The following SEMG2 variants were observed in gnomAD, a reference collection of about 807,000 sequenced individuals.
SEMG2 encodes semenogelin-2.
SEMG2 carries 3 observed loss-of-function variants against 8.1 expected under a neutral mutation model. That is an observed-to-expected ratio of 0.37 (90% CI 0.17 to 0.96). The LOEUF (loss-of-function observed/expected upper bound fraction) is 0.96. Among genes scored for constraint, SEMG2 ranks in the 40% least tolerant of loss-of-function variants. The pLI, the probability that SEMG2 is intolerant of heterozygous loss-of-function variation, is 0.41. For missense variants in SEMG2, 726 were observed against 671.2 expected (o/e 1.08, Z -0.90); for synonymous variants, 252 against 231.4 (o/e 1.09, Z -0.81).
rs753403910 is a variant in SEMG2 at position 45,221,998 on chromosome 20, T to G, written c.366T>G (p.His122Gln). 6.2e-7 allele frequency: 1 copy of G among 1,614,110 alleles called. No individual in the cohort carries two copies. Among genetic ancestry groups the G allele is most frequent in the Non-Finnish European group, 8.5e-7 (1 of 1,180,002 alleles). Reference protein sequence around the residue: ...EGRDHDKSKGHFHMIVIHHKG... With the variant: ...EGRDHDKSKGQFHMIVIHHKG... Reference sequence around the variant, plus strand: ...GAGACCATGATAAATCAAAAGGTCATTTTCACATGATAGTTATACATCATA... The same window carrying G: ...GAGACCATGATAAATCAAAAGGTCAGTTTCACATGATAGTTATACATCATA... Residue 122 changes from histidine to glutamine, a missense_variant, in exon 2 of 3, where the codon CAT becomes CAG. His to Gln is a conservative substitution (Grantham distance 24, BLOSUM62 0). Transcript: ENST00000372769.
chr20:45,221,640 G>A (rs1984014447), intron 1 of SEMG2, 69 bp from the exon 2 acceptor site: 2 of 1,431,496 alleles, frequency 1.4e-6, no homozygotes, highest in Admixed American at 2.1e-5. Context: ...TTGGGAAAAG[G>A]TGGGAGGTAA....
intron 2 of SEMG2, 76 bp downstream of exon 2, chr20:45,223,501 T>G (rs2145592562): frequency 1.6e-6 from 1 of 637,018 alleles, no homozygotes; most frequent in Non-Finnish European, 2.7e-6. Context: ...ATGGTAGGAC[T>G]GATAACCATT....
At position 45,221,772 on chromosome 20, in the gene SEMG2, A is replaced by C; in HGVS notation, c.140A>C (p.His47Pro). The change falls in exon 2 of 3, where the codon CAC becomes CCC. Residue 47 changes from histidine to proline, a missense_variant. Coordinates refer to ENST00000372769, the MANE Select transcript of SEMG2 (RefSeq NM_003008.3). ...TTTCCACATGGACAAAAGGGCCAGC[A>C]CTATTTTGGACAAAAAGACCAACAA... ...SQFPHGQKGQ[H>P]YFGQKDQQHT... is the part of the protein sequence containing the mutation. 6.2e-7 allele frequency: 1 copy of C among 1,614,068 alleles called. No individual in the cohort carries two copies. The highest frequency in any genetic ancestry group is 8.5e-7 in the Non-Finnish European group (1 of 1,179,976).
rs762375167 is a variant in SEMG2 at position 45,221,861 on chromosome 20, G to A, written c.229G>A (p.Asp77Asn). The change falls in exon 2 of 3, where the codon GAC (aspartate) becomes AAC (asparagine). Residue 77 changes from aspartate (D) to asparagine (N), a missense_variant. Physicochemically the swap from Asp to Asn is conservative, Grantham distance 23. Coordinates refer to ENST00000372769, the MANE Select transcript of SEMG2 (RefSeq NM_003008.3). ...ATATCATGTAGACATCAATGATCAT[G>A]ACTGGACCCGAAAAAGTCAGCAATA... ...HTYHVDINDH[D>N]WTRKSQQYDL... 1.9e-6 allele frequency: 3 copies of A among 1,614,074 alleles called. No individual in the cohort carries two copies. Among genetic ancestry groups the A allele is most frequent in the South Asian group, 2.2e-5 (2 of 91,004 alleles).
At chr20:45,221,674 T>A in intron 1 of SEMG2, 35 bp from the exon 2 acceptor site, 1 of 1,523,978 alleles carries the variant, frequency 6.6e-7, no homozygotes, top group Non-Finnish European at 8.9e-7. Context: ...GCTTTGGAGA[T>A]AATGAATGCA....
At position 45,222,529 on chromosome 20, in the gene SEMG2, C is replaced by A; in HGVS notation, c.897C>A (p.His299Gln). 1.2e-6 allele frequency: 2 copies of A among 1,613,930 alleles called. No homozygotes were observed. The stretch of plus-strand genomic sequence containing the variant: ...CACGTACAGAAGAAAGACAACTTCA[C>A]CATGGAGAAAAGAGTGTACAGAAAG... ...PSSRTEERQL[H>Q]HGEKSVQKDV... Residue 299 changes from histidine to glutamine, a missense_variant, in exon 2 of 3, where the codon CAC (histidine) becomes CAA (glutamine). Transcript: ENST00000372769.
intron 2 of SEMG2, 75 bp from the exon 3 acceptor site, chr20:45,224,216 A>C (rs1984089578): frequency 6.6e-6 from 1 of 152,304 alleles, no homozygotes; most frequent in Admixed American, 6.5e-5. Context: ...TAAAGGGGAC[A>C]GGGGTCCCAG....
chr20:45,223,107 G>A lies in SEMG2; in HGVS notation c.1475G>A (p.Ser492Asn). 6.2e-7 allele frequency: 1 copy of A among 1,614,118 alleles called. No individual in the cohort carries two copies. Among genetic ancestry groups the A allele is most frequent in the South Asian group, 1.1e-5 (1 of 91,072 alleles). ...GKSTQKDVSQ[S>N]SISFQIEKLV... ...AGCACGCAGAAAGATGTATCCCAAAGCAGTATTTCTTTCCAAATTGAAAAG... is the reference window on the plus strand; with the variant it reads ...AGCACGCAGAAAGATGTATCCCAAAACAGTATTTCTTTCCAAATTGAAAAG... Residue 492 changes from serine (S) to asparagine (N), a missense_variant, in exon 2 of 3, where the codon AGC becomes AAC. Coordinates refer to ENST00000372769, the MANE Select transcript of SEMG2 (RefSeq NM_003008.3).
chr20:45,222,274 T>A lies in SEMG2; in HGVS notation c.642T>A (p.His214Gln), dbSNP rs370739433. The A allele has an allele frequency of 1.2e-6, 2 of 1,613,872 alleles. No homozygotes were observed. The highest frequency in any genetic ancestry group is 1.3e-5 in the African/African-American group (1 of 74,892). The change falls in exon 2 of 3, where the codon CAT (histidine) becomes CAA (glutamine). Residue 214 changes from histidine (H) to glutamine (Q), a missense_variant. By Grantham distance (24) the His-to-Gln change is conservative. Coordinates refer to ENST00000372769, the MANE Select transcript of SEMG2 (RefSeq NM_003008.3). ...NKQQRETKNS[H>Q]QNKGHYQNVV... ...AACAACGTGAGACTAAAAATTCTCA[T>A]CAAAATAAAGGGCATTACCAAAATG...
In SEMG2 at chr20:45,222,084, C is replaced by G. The variant is rs754730269; in HGVS notation, c.452C>G (p.Ser151Cys). The change falls in exon 2 of 3, where the codon TCT becomes TGT. Residue 151 changes from serine to cysteine, a missense_variant. Coordinates refer to ENST00000372769, the MANE Select transcript of SEMG2 (RefSeq NM_003008.3). The stretch of plus-strand genomic sequence containing the variant: ...TCTCAAGATCAGGGGAATAGCCCAT[C>G]TGGAAAGGGATTATCCAGTCAATGT... ...NPSQDQGNSP[S>C]GKGLSSQCSN... 5.0e-6 allele frequency: 8 copies of G among 1,613,970 alleles called. No homozygotes were observed. The South Asian group carries it at 8.8e-5, about 18-fold the overall frequency.
rs1241580516 is a variant in SEMG2, at chr20:45,223,390, C to G, written c.*9C>G. On this transcript the variant is annotated 3_prime_UTR_variant, in exon 2 of 3. Transcript: ENST00000372769. ...ATCCAATATCTACATAGCCCTGTTG[C>G]TTAGCAACCACTTGAAAAGCTGGAC... is the stretch of plus-strand genomic sequence containing the variant. 6.3e-7 allele frequency: 1 copy of G among 1,575,324 alleles called. No individual in the cohort carries two copies. The highest frequency in any genetic ancestry group is 8.7e-7 in the Non-Finnish European group (1 of 1,153,188).
At position 45,222,544 on chromosome 20, in the gene SEMG2, T is replaced by C. The variant is rs1238576122; in HGVS notation, c.912T>C (p.Ser304=). The change falls in exon 2 of 3, where the codon AGT becomes AGC. Residue 304 remains serine, a synonymous_variant. Coordinates refer to ENST00000372769, the MANE Select transcript of SEMG2 (RefSeq NM_003008.3). ...GACAACTTCACCATGGAGAAAAGAG[T>C]GTACAGAAAGATGTATCCAAAGGCA... ...EERQLHHGEK[S]VQKDVSKGSI... 1.2e-6 allele frequency: 2 copies of C among 1,613,384 alleles called. No individual in the cohort carries two copies. The highest frequency in any genetic ancestry group is 1.3e-5 in the African/African-American group (1 of 74,700).
In SEMG2 at chr20:45,223,427, T is replaced by C; in HGVS notation, c.*44+2T>C. 7.0e-7 allele frequency: 1 copy of C among 1,425,528 alleles called. No individual in the cohort carries two copies. Among genetic ancestry groups the C allele is most frequent in the African/African-American group, 1.4e-5 (1 of 70,162 alleles). 88.3% of individuals were successfully genotyped at this position (1,425,528 alleles called of 1,614,324 possible). On this transcript the variant is annotated splice_donor_variant, in intron 2 of 2. Coordinates refer to ENST00000372769, the MANE Select transcript of SEMG2 (RefSeq NM_003008.3). LOFTEE classifies it low-confidence loss of function (3UTR_SPLICE). ...TTGAAAAGCTGGACCAATAGCAAGG[T>C]AAGTTTGCTTTTCTTACCAAATAGG...
Position 45,222,416 on chromosome 20 carries a change from G to T in SEMG2, c.784G>T (p.Val262Leu). 1 of 1,614,056 alleles carries T rather than the reference G, an allele frequency of 6.2e-7. No individual in the cohort carries two copies. Reference protein sequence around the residue: ...DIFTTQDELLVYNKNQHQTKN... With the variant: ...DIFTTQDELLLYNKNQHQTKN... ...TTTTACTACCCAAGATGAGCTCCTA[G>T]TATATAACAAGAATCAACACCAGAC... The change falls in exon 2 of 3, where the codon GTA becomes TTA. Residue 262 changes from valine to leucine, a missense_variant. Transcript: ENST00000372769.
chr20:45,223,377 C>G lies in SEMG2; in HGVS notation c.1745C>G (p.Thr582Arg). 6.2e-7 allele frequency: 1 copy of G among 1,603,692 alleles called. No individual in the cohort carries two copies. Among genetic ancestry groups the G allele is most frequent in the Non-Finnish European group, 8.5e-7 (1 of 1,172,690 alleles). ...QYNEDRNPIS[T>R] ...AATGAAGACAGAAATCCAATATCTA[C>G]ATAGCCCTGTTGCTTAGCAACCACT... is the stretch of plus-strand genomic sequence containing the variant. Residue 582 changes from threonine to arginine, a missense_variant, in exon 2 of 3, where the codon ACA becomes AGA. By Grantham distance (71) the Thr-to-Arg change is moderately conservative. Coordinates refer to ENST00000372769, the MANE Select transcript of SEMG2 (RefSeq NM_003008.3).
Position 45,222,409 on chromosome 20 carries a change from G to A in SEMG2, c.777G>A (p.Glu259=), listed in dbSNP as rs1273162578. 1.9e-6 allele frequency: 3 copies of A among 1,613,952 alleles called. No individual in the cohort carries two copies. The highest frequency in any genetic ancestry group is 2.7e-5 in the African/African-American group (2 of 74,916). Residue 259 remains glutamate (E), a synonymous_variant, in exon 2 of 3, where the codon GAG becomes GAA. Coordinates refer to ENST00000372769, the MANE Select transcript of SEMG2 (RefSeq NM_003008.3). ...GPKDIFTTQD[E]LLVYNKNQHQ... ...AAGACATTTTTACTACCCAAGATGA[G>A]CTCCTAGTATATAACAAGAATCAAC... is the stretch of plus-strand genomic sequence containing the variant.
chr20:45,222,646 G>T lies in SEMG2; in HGVS notation c.1014G>T (p.Glu338Asp), dbSNP rs374818359. 1.2e-6 allele frequency: 2 copies of T among 1,613,770 alleles called. No homozygotes were observed. The highest frequency in any genetic ancestry group is 2.7e-5 in the African/African-American group (2 of 74,852). Residue 338 changes from glutamate (E) to aspartate (D), a missense_variant, in exon 2 of 3, where the codon GAG (glutamate) becomes GAT (aspartate). Physicochemically the swap from Glu to Asp is conservative, Grantham distance 45. Transcript: ENST00000372769. ...TAACAATTCATAGTCAAGATCAAGA[G>T]CATGGCCATAAGGAAAATAAAATAT... ...NQVTIHSQDQ[E>D]HGHKENKISY...
Position 45,222,628 on chromosome 20 carries a change from T to A in SEMG2, c.996T>A (p.Ile332=). The A allele has an allele frequency of 1.2e-6, 2 of 1,613,842 alleles. No individual in the cohort carries two copies. Among genetic ancestry groups the A allele is most frequent in the Non-Finnish European group, 1.7e-6 (2 of 1,179,962 alleles). ...GCAAGTCTCAAAACCAGGTAACAATTCATAGTCAAGATCAAGAGCATGGCC... is the reference window on the plus strand; with the variant it reads ...GCAAGTCTCAAAACCAGGTAACAATACATAGTCAAGATCAAGAGCATGGCC... ...IHGKSQNQVT[I]HSQDQEHGHK... is the part of the protein sequence containing the mutation. Residue 332 remains isoleucine, a synonymous_variant, in exon 2 of 3, where the codon ATT becomes ATA. Transcript: ENST00000372769.
chr20:45,221,927 C>A lies in SEMG2; in HGVS notation c.295C>A (p.His99Asn), dbSNP rs202124576. 6.2e-7 allele frequency: 1 copy of A among 1,613,260 alleles called. No individual in the cohort carries two copies. The highest frequency in any genetic ancestry group is 1.3e-5 in the African/African-American group (1 of 74,972). ...ALHKATKSKQ[H>N]LGGSQQLLNY... ...ACATAAGGCGACAAAATCAAAACAA[C>A]ACCTAGGTGGAAGTCAACAACTGCT... The change falls in exon 2 of 3, where the codon CAC (histidine) becomes AAC (asparagine). Residue 99 changes from histidine to asparagine, a missense_variant. By Grantham distance (68) the His-to-Asn change is moderately conservative. Coordinates refer to ENST00000372769, the MANE Select transcript of SEMG2 (RefSeq NM_003008.3).
Sources: allele counts gnomAD v4.1 joint callset, GRCh38; gene constraint gnomAD v4.1.1; transcripts MANE v1.5; gene names NCBI Gene and HGNC (gene_info 2026-07-23, HGNC 2026-07-21).